Variants in PTPRN2 observed in about 807,000 individuals in gnomAD.
The protein encoded by PTPRN2 is receptor-type tyrosine-protein phosphatase N2.
In PTPRN2, 74 loss-of-function variants were observed where a neutral mutation model predicts 118.8. The ratio of observed to expected loss-of-function variants is 0.62; its 90% CI spans 0.52 to 0.76. The LOEUF (loss-of-function observed/expected upper bound fraction) is 0.76. Ranked by LOEUF, PTPRN2 falls within the 30% of genes least tolerant of loss-of-function variation. PTPRN2 has a pLI of 0.00. For missense variants in PTPRN2, 1,481 were observed against 1,394.4 expected, an observed-to-expected ratio of 1.06 and a Z score of -0.99; for synonymous variants, 641 against 608.0, an observed-to-expected ratio of 1.05 and a Z score of -0.80.
At chr7:158,518,560 C>G (rs1823740783) in intron 1 of PTPRN2, among the ~76,000 whole-genome samples, 2 of 152,074 alleles carry the variant, frequency 1.3e-5, no homozygotes, top group Non-Finnish European at 2.9e-5. Context: ...CTGAGATCAA[C>G]AGAGGATATA....
In PTPRN2 at chr7:157,944,390, G is replaced by A. The variant is rs1369986789; in HGVS notation, c.1724-45653C>T. ...AACCTTGGAATCAATACAATGCAGG[G>A]TAGAGCAATTCATTTGAATTAATGT... On this transcript the variant is annotated intron_variant, in intron 11 of 22. Transcript: ENST00000389418. The surrounding 1 kb of genome is among the most constrained non-coding windows in gnomAD (Gnocchi z 4.3). Among the ~76,000 whole-genome samples, 1 of 152,156 alleles carries A rather than the reference G, an allele frequency of 6.6e-6. No homozygotes were observed. Among genetic ancestry groups the A allele is most frequent in the Admixed American group, 6.6e-5 (1 of 15,266 alleles).
At position 157,576,576 on chromosome 7, in the gene PTPRN2, A is replaced by G. The variant is rs775633755; in HGVS notation, c.2783+37T>C. ...CCTCGCTCCCCTGTGCCGCGCGCTCAGCGCGCACTGCCCTGCCGGCGGGCC... is the reference window on the plus strand; with the variant it reads ...CCTCGCTCCCCTGTGCCGCGCGCTCGGCGCGCACTGCCCTGCCGGCGGGCC... On this transcript the variant is annotated intron_variant, in intron 19 of 22. Coordinates refer to ENST00000389418, the MANE Select transcript of PTPRN2 (RefSeq NM_002847.5). 8.9e-6 allele frequency: 14 copies of G among 1,572,676 alleles called. No homozygotes were observed. In the South Asian group the frequency reaches 1.5e-4, roughly 17 times the overall value.
intron 11 of PTPRN2, among the ~76,000 whole-genome samples, chr7:157,912,442 A>C (rs1260239880): frequency 6.6e-5 from 10 of 152,190 alleles, no homozygotes; most frequent in Admixed American, 5.2e-4. Flanking sequence ...GTGGGCTGCA[A>C]CTATCATATC....
At chr7:158,154,707 GA>G (rs1821540688) in intron 6 of PTPRN2, among the ~76,000 whole-genome samples, 1 of 151,914 alleles carries the variant, frequency 6.6e-6, no homozygotes, top group Non-Finnish European at 1.5e-5. Context: ...CCCCTCATCT[GA>G]AAAAGAAACT....
intron 5 of PTPRN2, among the ~76,000 whole-genome samples, chr7:158,180,300 T>C (rs1171904377): frequency 1.3e-5 from 2 of 152,262 alleles, no homozygotes; most frequent in African/African-American, 2.4e-5. Context: ...TTTGGGTTTA[T>C]TTCTGGGTTC....
intron 11 of PTPRN2, among the ~76,000 whole-genome samples, chr7:157,956,637 A>G (rs999548224): frequency 6.6e-6 from 1 of 152,220 alleles, no homozygotes; most frequent in African/African-American, 2.4e-5. Context: ...CAGGGGAAGG[A>G]CTGACAGAGT....
rs148236058 is a variant in PTPRN2, at chr7:157,990,994, G to C, written c.1723+90304C>G. Among the ~76,000 whole-genome samples the C allele has an allele frequency of 3.3e-5, 5 of 152,340 alleles. No individual in the cohort carries two copies. The highest frequency in any genetic ancestry group is 5.9e-5 in the Non-Finnish European group (4 of 68,024). On this transcript the variant is annotated intron_variant, in intron 11 of 22. Transcript: ENST00000389418. The surrounding 1 kb of genome is among the most constrained non-coding windows in gnomAD (Gnocchi z 4.3). ...CTGGCCCTGGCCAGAGTCCACGTCTGACTCTGAAGGTGTGCGGGGTGTGGA... is the reference window on the plus strand; with the variant it reads ...CTGGCCCTGGCCAGAGTCCACGTCTCACTCTGAAGGTGTGCGGGGTGTGGA...
At chr7:158,399,237 G>A (rs557045174) in intron 2 of PTPRN2, among the ~76,000 whole-genome samples, 1 of 152,238 alleles carries the variant, frequency 6.6e-6, no homozygotes, top group South Asian at 2.1e-4. Context: ...AGCTGATTTA[G>A]AATTGTGTCA....
At chr7:158,290,813 G>T (rs1158334054) in intron 3 of PTPRN2, among the ~76,000 whole-genome samples, 2 of 152,170 alleles carry the variant, frequency 1.3e-5, no homozygotes, top group Non-Finnish European at 2.9e-5. Flanking sequence ...CTTAGCACTT[G>T]TGAAGGTATT....
At chr7:158,264,674 G>A (rs189026463) in intron 3 of PTPRN2, among the ~76,000 whole-genome samples, 60 of 152,266 alleles carry the variant, frequency 3.9e-4, no homozygotes, top group African/African-American at 1.1e-3. Flanking sequence ...ACCAAAGGCC[G>A]GGAGCCAGGA....
In PTPRN2 at chr7:157,977,665, G is replaced by T. The variant is rs1802853364; in HGVS notation, c.1724-78928C>A. On this transcript the variant is annotated intron_variant, in intron 11 of 22. Coordinates refer to ENST00000389418, the MANE Select transcript of PTPRN2 (RefSeq NM_002847.5). This position sits in a 1 kb window ranked among gnomAD's most constrained non-coding sequence, Gnocchi z 4.6. Reference sequence around the variant, plus strand: ...GGTGGGATGAATTGAGCATGTTCAGGGAGCAGAGAGAATGCTGCTCTGTCC... The same window carrying T: ...GGTGGGATGAATTGAGCATGTTCAGTGAGCAGAGAGAATGCTGCTCTGTCC... Among the ~76,000 whole-genome samples the T allele has an allele frequency of 6.6e-6, 1 of 151,768 alleles. No individual in the cohort carries two copies. Among genetic ancestry groups the T allele is most frequent in the Non-Finnish European group, 1.5e-5 (1 of 67,900 alleles).
At chr7:158,333,375 C>G (rs1461844230) in intron 2 of PTPRN2, among the ~76,000 whole-genome samples, 1 of 140,328 alleles carries the variant, frequency 7.1e-6, no homozygotes, top group Non-Finnish European at 1.6e-5. Flanking sequence ...CACCCACACT[C>G]GCACCATAAG....
intron 12 of PTPRN2, among the ~76,000 whole-genome samples, chr7:157,797,185 G>T (rs986354589): frequency 6.6e-6 from 1 of 152,210 alleles, no homozygotes; most frequent in African/African-American, 2.4e-5. Flanking sequence ...AGGTTTCTCT[G>T]CAATATGTAG....
At chr7:158,308,885 T>C (rs1801492299) in intron 3 of PTPRN2, among the ~76,000 whole-genome samples, 1 of 151,890 alleles carries the variant, frequency 6.6e-6, no homozygotes, top group Admixed American at 6.6e-5. Flanking sequence ...TAGGTGAAAT[T>C]GACAAATTCC....
At chr7:158,577,251 G>A (rs1586973066) in intron 1 of PTPRN2, among the ~76,000 whole-genome samples, 2 of 117,088 alleles carry the variant, frequency 1.7e-5, no homozygotes. Flanking sequence ...GAATGCCACA[G>A]ACAGCATGGG....
At position 158,072,910 on chromosome 7, in the gene PTPRN2, C is replaced by T. The variant is rs539121381; in HGVS notation, c.1723+8388G>A. 4.6e-5 allele frequency among the ~76,000 whole-genome samples: 7 copies of T among 152,194 alleles called. No individual in the cohort carries two copies. The East Asian group carries it at 7.7e-4, about 17-fold the overall frequency. Reference sequence around the variant, plus strand: ...CATAATATTTGGACAATTCATGTCTCAAGACCTGAGCTTGTCCCAAGGGGC... The same window carrying T: ...CATAATATTTGGACAATTCATGTCTTAAGACCTGAGCTTGTCCCAAGGGGC... On this transcript the variant is annotated intron_variant, in intron 11 of 22. Coordinates refer to ENST00000389418, the MANE Select transcript of PTPRN2 (RefSeq NM_002847.5).
At chr7:158,365,781 A>C (rs1458774393) in intron 2 of PTPRN2, among the ~76,000 whole-genome samples, 1 of 146,352 alleles carries the variant, frequency 6.8e-6, no homozygotes, top group Non-Finnish European at 1.5e-5. Flanking sequence ...ATACACACAC[A>C]CACACCCACA....
chr7:157,649,972 C>G (rs1270255625), intron 14 of PTPRN2, among the ~76,000 whole-genome samples: 1 of 133,902 alleles, frequency 7.5e-6, no homozygotes, highest in Admixed American at 7.4e-5. Context: ...ACCCATCCAG[C>G]GTGCACTGAA....
chr7:158,311,572 C>T (rs1342409051), intron 3 of PTPRN2, among the ~76,000 whole-genome samples: 1 of 152,192 alleles, frequency 6.6e-6, no homozygotes, highest in African/African-American at 2.4e-5. Flanking sequence ...CTGTGATGTA[C>T]ACATCTACCT....
Sources: gnomAD v4.1 joint callset for allele counts (sites outside exome capture counted in the v4.1 genomes callset) on GRCh38, gnomAD v4.1.1 for gene constraint, Gnocchi (gnomAD v3.1) non-coding constraint, MANE v1.5 for transcripts, NCBI Gene and HGNC (gene_info 2026-07-23, HGNC 2026-07-21) for gene names.